SLC39A12: variants seen among roughly 807,000 people sequenced by gnomAD.
SLC39A12 encodes the protein solute carrier family 39 member 12.
SLC39A12 carries 63 observed loss-of-function variants against 71.1 expected under a neutral mutation model. That is an observed-to-expected ratio of 0.89 (90% confidence interval 0.72 to 1.09). SLC39A12 has a LOEUF of 1.09. Among genes scored for constraint, SLC39A12 ranks in the 50% least tolerant of loss-of-function variants. SLC39A12 has a pLI of 0.00. For synonymous variants in SLC39A12, 351 were observed against 301.3 expected (o/e 1.16, Z -1.71); for missense variants, 892 against 812.6 (o/e 1.10, Z -1.19).
intron 5 of SLC39A12, among the ~76,000 whole-genome samples, chr10:17,978,761 G>A (rs1835180402): frequency 6.6e-6 from 1 of 152,176 alleles, no homozygotes; most frequent in South Asian, 2.1e-4. Flanking sequence ...ATTCTTCTCT[G>A]TTCCAACGTG....
At chr10:18,041,725 A>C (rs1377030419) in intron 12 of SLC39A12, among the ~76,000 whole-genome samples, 1 of 129,262 alleles carries the variant, frequency 7.7e-6, no homozygotes, top group Non-Finnish European at 1.6e-5. Flanking sequence ...ATATGTATAT[A>C]TGTGTATATA....
At chr10:18,040,589 A>T (rs1023764060) in intron 12 of SLC39A12, among the ~76,000 whole-genome samples, 1 of 151,902 alleles carries the variant, frequency 6.6e-6, no homozygotes, top group Admixed American at 6.6e-5. Context: ...GGCCAACATG[A>T]AGAAACCCTG....
At chr10:17,968,263 A>G (rs1166059004) in intron 4 of SLC39A12, among the ~76,000 whole-genome samples, 6 of 152,162 alleles carry the variant, frequency 3.9e-5, no homozygotes, top group Non-Finnish European at 7.4e-5. Flanking sequence ...AATAACCTCA[A>G]TATAACGTTA....
At chr10:18,036,794 A>ATATATATTTTTT (rs1554855475) in intron 12 of SLC39A12, among the ~76,000 whole-genome samples, 1 of 92,896 alleles carries the variant, frequency 1.1e-5, no homozygotes, top group Non-Finnish European at 1.9e-5. Flanking sequence ...ATATATATAT[A>ATATATATTTTTT]TTTTTTTTTT....
chr10:18,002,998 A>G (rs529664241), intron 11 of SLC39A12, 173 bp from the exon 12 acceptor site: 1 of 567,978 alleles, frequency 1.8e-6, no homozygotes, highest in Non-Finnish European at 3.1e-6. Context: ...AGTACGATGA[A>G]TGGGCTATGA....
chr10:18,038,970 A>C (rs1056349256), intron 12 of SLC39A12, among the ~76,000 whole-genome samples: 3 of 152,194 alleles, frequency 2.0e-5, no homozygotes, highest in Non-Finnish European at 4.4e-5. Context: ...AACCATTTTT[A>C]CTACCATGCG....
At chr10:17,958,636 C>T (rs569276036) in intron 2 of SLC39A12, among the ~76,000 whole-genome samples, 76 of 152,164 alleles carry the variant, frequency 5.0e-4, no homozygotes, top group Non-Finnish European at 1.0e-3. Context: ...TGCTCTCCAC[C>T]ATCAGCTGTG....
At chr10:18,033,664 G>A (rs1836917225) in intron 12 of SLC39A12, among the ~76,000 whole-genome samples, 1 of 145,244 alleles carries the variant, frequency 6.9e-6, no homozygotes, top group Non-Finnish European at 1.5e-5. Flanking sequence ...GTTCTGCTCT[G>A]ATTTTAGTTA....
chr10:17,953,598 A>C, intron 2 of SLC39A12, 61 bp downstream of exon 2: 1 of 1,550,250 alleles, frequency 6.5e-7, no homozygotes, highest in Non-Finnish European at 8.7e-7. Flanking sequence ...AATGGATTCT[A>C]TAGGGATTTA....
chr10:17,975,587 G>A (rs1041724278), intron 4 of SLC39A12, among the ~76,000 whole-genome samples: 1 of 151,938 alleles, frequency 6.6e-6, no homozygotes, highest in Non-Finnish European at 1.5e-5. Context: ...CATTCCTTAA[G>A]TGGAAGTAAG....
At chr10:18,024,795 G>C (rs1836628655) in intron 12 of SLC39A12, among the ~76,000 whole-genome samples, 1 of 152,048 alleles carries the variant, frequency 6.6e-6, no homozygotes, top group Non-Finnish European at 1.5e-5. Flanking sequence ...GTCTTGGTAG[G>C]TACATACACA....
rs1435281110 is a variant in SLC39A12, at chr10:18,030,701, T to C, written c.1948-12004T>C. Among the ~76,000 whole-genome samples the C allele has an allele frequency of 4.0e-5, 6 of 151,414 alleles. No homozygotes were observed. The South Asian group carries it at 1.3e-3, about 32-fold the overall frequency. On this transcript the variant is annotated intron_variant, in intron 12 of 12. Coordinates refer to ENST00000377369, the MANE Select transcript of SLC39A12 (RefSeq NM_001145195.2). ...ACATGTGCACATTGTGCAGGTTAGT[T>C]ACATATGTATACATGTGCCATGCTG...
chr10:17,992,432 T>C (rs947756610), intron 8 of SLC39A12, among the ~76,000 whole-genome samples: 2 of 152,236 alleles, frequency 1.3e-5, no homozygotes, highest in African/African-American at 4.8e-5. Flanking sequence ...TTCTTTGGCC[T>C]GGGGCCCAAA....
intron 10 of SLC39A12, among the ~76,000 whole-genome samples, chr10:17,998,711 A>T (rs1835752309): frequency 6.6e-6 from 1 of 152,212 alleles, no homozygotes; most frequent in Non-Finnish European, 1.5e-5. Flanking sequence ...TACACAGGCC[A>T]TCTTTGAAAC....
intron 5 of SLC39A12, among the ~76,000 whole-genome samples, chr10:17,979,299 C>A (rs1835194604): frequency 6.6e-6 from 1 of 152,160 alleles, no homozygotes; most frequent in Admixed American, 6.5e-5. Flanking sequence ...GGCACAAGAG[C>A]AGCAAGCGAA....
intron 12 of SLC39A12, among the ~76,000 whole-genome samples, chr10:18,011,286 G>A (rs1206767874): frequency 1.3e-5 from 2 of 151,994 alleles, no homozygotes; most frequent in East Asian, 1.9e-4. Flanking sequence ...ATGGGGTTTC[G>A]CCATGTTGGC....
At chr10:18,036,746 T>TTATATGTA (rs1837036848) in intron 12 of SLC39A12, among the ~76,000 whole-genome samples, 1 of 37,494 alleles carries the variant, frequency 2.7e-5, no homozygotes, top group African/African-American at 1.1e-4. Context: ...ATTTTAAAAA[T>TTATATGTA]TATATATATA....
At chr10:17,995,823 T>C (rs752865763) in intron 10 of SLC39A12, 101 bp downstream of exon 10, 31 of 993,054 alleles carry the variant, frequency 3.1e-5, no homozygotes, top group Non-Finnish European at 4.4e-5. Flanking sequence ...TCATATTGGG[T>C]ATGTAGTTTA....
intron 12 of SLC39A12, among the ~76,000 whole-genome samples, chr10:18,040,264 A>T (rs1837183453): frequency 6.6e-6 from 1 of 152,196 alleles, no homozygotes; most frequent in Non-Finnish European, 1.5e-5. Context: ...TAAACCTGGC[A>T]TAAAGACACC....
Sources: gnomAD v4.1 joint callset for allele counts (sites outside exome capture counted in the v4.1 genomes callset) on GRCh38, gnomAD v4.1.1 for gene constraint, MANE v1.5 for transcripts, NCBI Gene and HGNC (gene_info 2026-07-23, HGNC 2026-07-21) for gene names.